The following RARB variants were observed in gnomAD, a reference collection of about 807,000 sequenced individuals.
The protein encoded by RARB is HBV-activated protein.
A neutral mutation model predicts 51.9 loss-of-function variants in RARB; 17 were observed. The ratio of observed to expected loss-of-function variants is 0.33; its 90% CI spans 0.22 to 0.49. RARB has a LOEUF of 0.49. RARB is among the 20% of genes least tolerant of loss of function. The pLI, the probability that RARB is intolerant of heterozygous loss-of-function variation, is 0.99. For synonymous variants in RARB, 215 were observed against 195.4 expected (o/e 1.10, Z -0.84); for missense variants, 369 against 550.8 (o/e 0.67, Z 3.30).
At chr3:25,563,573 T>TTAAA (rs1239952115) in intron 3 of RARB, among the ~76,000 whole-genome samples, 1 of 152,242 alleles carries the variant, frequency 6.6e-6, no homozygotes, top group Non-Finnish European at 1.5e-5. Context: ...AATGCTTGAA[T>TTAAA]TAAATCCTTA....
chr3:24,897,697 T>G (rs1467334502), intron 2 of RARB, among the ~76,000 whole-genome samples: 1 of 151,822 alleles, frequency 6.6e-6, no homozygotes, highest in Non-Finnish European at 1.5e-5. Context: ...AAAACCAGAG[T>G]GCCTTCTGTC....
At chr3:25,202,012 A>G (rs1437734565) in intron 5 of RARB, among the ~76,000 whole-genome samples, 1 of 152,218 alleles carries the variant, frequency 6.6e-6, no homozygotes. Context: ...AAGGAATGCT[A>G]CCAGCTCCTC....
chr3:25,391,581 T>C (rs1706960409), intron 5 of RARB, among the ~76,000 whole-genome samples: 2 of 149,852 alleles, frequency 1.3e-5, no homozygotes, highest in African/African-American at 5.0e-5. Flanking sequence ...TTAATTATGA[T>C]TCTTGCAGAA....
intron 5 of RARB, among the ~76,000 whole-genome samples, chr3:25,190,781 T>A (rs930214191): frequency 6.6e-6 from 1 of 152,144 alleles, no homozygotes; most frequent in African/African-American, 2.4e-5. Context: ...CTGCTTAGAA[T>A]GAGTTCACAT....
intron 5 of RARB, among the ~76,000 whole-genome samples, chr3:25,257,549 A>T (rs997975336): frequency 6.6e-6 from 1 of 152,028 alleles, no homozygotes; most frequent in African/African-American, 2.4e-5. Flanking sequence ...GAATAATGAG[A>T]TATAACATCT....
chr3:24,852,223 G>T (rs114489622), intron 1 of RARB, among the ~76,000 whole-genome samples: 1 of 152,078 alleles, frequency 6.6e-6, no homozygotes, highest in Non-Finnish European at 1.5e-5. Flanking sequence ...TTATATTTGC[G>T]GGACGAATCT....
intron 3 of RARB, among the ~76,000 whole-genome samples, chr3:25,110,252 G>A (rs1307746101): frequency 6.6e-6 from 1 of 152,172 alleles, no homozygotes; most frequent in Non-Finnish European, 1.5e-5. Context: ...GTTTATAGGT[G>A]TTGCTTTTGC....
intron 3 of RARB, among the ~76,000 whole-genome samples, chr3:25,547,439 T>C (rs1034807976): frequency 6.6e-6 from 1 of 152,174 alleles, no homozygotes; most frequent in African/African-American, 2.4e-5. Flanking sequence ...TCTTCCCCCT[T>C]CCACTACTGT....
At chr3:25,567,199 G>A (rs1038818478) in intron 3 of RARB, among the ~76,000 whole-genome samples, 5 of 152,132 alleles carry the variant, frequency 3.3e-5, no homozygotes, top group Admixed American at 6.5e-5. Context: ...ACCATTCAGC[G>A]GTGCGTAGTG....
intron 5 of RARB, among the ~76,000 whole-genome samples, chr3:25,374,733 C>T (rs1488059438): frequency 6.6e-6 from 1 of 152,110 alleles, no homozygotes. Context: ...GGAAGCCATC[C>T]TCCATTGGCT....
intron 3 of RARB, among the ~76,000 whole-genome samples, chr3:25,125,237 G>A (rs986380725): frequency 1.3e-5 from 2 of 152,218 alleles, no homozygotes; most frequent in African/African-American, 4.8e-5. Flanking sequence ...TCTGAAATAA[G>A]AAGGAGGTAA....
At chr3:25,437,135 G>A (rs867080189) in intron 1 of RARB, among the ~76,000 whole-genome samples, 1 of 68,814 alleles carries the variant, frequency 1.5e-5, no homozygotes. Flanking sequence ...TTTTTTTTTT[G>A]GTCATATCTA....
At chr3:25,384,597 T>G (rs1006266891) in intron 5 of RARB, among the ~76,000 whole-genome samples, 1 of 152,204 alleles carries the variant, frequency 6.6e-6, no homozygotes, top group Admixed American at 6.5e-5. Flanking sequence ...CACACCCACA[T>G]GCAGGACTGG....
chr3:25,556,259 T>G (rs1700054544), intron 3 of RARB, among the ~76,000 whole-genome samples: 1 of 152,178 alleles, frequency 6.6e-6, no homozygotes, highest in Non-Finnish European at 1.5e-5. Context: ...GATGATCTAT[T>G]TATATTGAGA....
At chr3:25,154,316 C>T (rs914895949) in intron 4 of RARB, among the ~76,000 whole-genome samples, 3 of 152,162 alleles carry the variant, frequency 2.0e-5, no homozygotes, top group African/African-American at 4.8e-5. Flanking sequence ...TGAAGGGTAC[C>T]GTTATTTGCT....
At chr3:25,522,793 C>T (rs1020188973) in intron 3 of RARB, among the ~76,000 whole-genome samples, 3 of 152,112 alleles carry the variant, frequency 2.0e-5, no homozygotes, top group Non-Finnish European at 4.4e-5. Flanking sequence ...CCTCTTCAAC[C>T]ACACCTGAGG....
At chr3:25,063,138 A>AC (rs1381967471) in intron 3 of RARB, among the ~76,000 whole-genome samples, 1 of 151,862 alleles carries the variant, frequency 6.6e-6, no homozygotes, top group African/African-American at 2.4e-5. Context: ...AAGATGTAAC[A>AC]CCCCCTTTTG....
At chr3:24,981,555 G>A (rs979376788) in intron 2 of RARB, among the ~76,000 whole-genome samples, 2 of 152,216 alleles carry the variant, frequency 1.3e-5, no homozygotes, top group Admixed American at 1.3e-4. Context: ...TGCGTTAGCA[G>A]AGAGCAAGGC....
chr3:25,142,659 T>G (rs57259009), intron 4 of RARB, among the ~76,000 whole-genome samples: 4 of 151,894 alleles, frequency 2.6e-5, no homozygotes, highest in African/African-American at 9.7e-5. Flanking sequence ...ATCATTAGCT[T>G]TGGGGGAAAG....
Sources: allele counts gnomAD v4.1 joint callset (sites outside exome capture counted in the v4.1 genomes callset), GRCh38; gene constraint gnomAD v4.1.1; transcripts MANE v1.5; gene names NCBI Gene and HGNC (gene_info 2026-07-23, HGNC 2026-07-21).